Variants in MAGI2 observed in about 807,000 individuals in gnomAD.
The protein encoded by MAGI2 is membrane associated guanylate kinase, WW and PDZ domain containing 2, also known as membrane-associated guanylate kinase, WW and PDZ domain-containing protein 2.
MAGI2 carries 35 observed loss-of-function variants against 133.3 expected under a neutral mutation model. The ratio of observed to expected loss-of-function variants is 0.26; its 90% CI spans 0.20 to 0.35. The LOEUF (loss-of-function observed/expected upper bound fraction) is 0.35, where lower values mean the gene tolerates loss of function less well. Among genes scored for constraint, MAGI2 ranks in the 10% least tolerant of loss-of-function variants. The pLI is 1.00. For missense variants in MAGI2, 1,636 were observed against 1,863.4 expected, an observed-to-expected ratio of 0.88 and a Z score of 2.25; for synonymous variants, 729 against 710.6, an observed-to-expected ratio of 1.03 and a Z score of -0.41.
intron 2 of MAGI2, among the ~76,000 whole-genome samples, chr7:78,941,871 TCACCTTTCAA>T (rs1387109321): frequency 6.6e-6 from 1 of 151,978 alleles, no homozygotes; most frequent in African/African-American, 2.4e-5. Flanking sequence ...GGTCAAATTG[TCACCTTTCAA>T]CACCTATATC....
chr7:78,663,495 G>A (rs1813209096), intron 2 of MAGI2, among the ~76,000 whole-genome samples: 1 of 152,028 alleles, frequency 6.6e-6, no homozygotes, highest in African/African-American at 2.4e-5. Context: ...GTGAGCCACT[G>A]TGCCCCGCCA....
intron 9 of MAGI2, among the ~76,000 whole-genome samples, chr7:78,275,771 A>C (rs764315701): frequency 6.6e-6 from 1 of 152,236 alleles, no homozygotes; most frequent in African/African-American, 2.4e-5. Context: ...TGGATATACC[A>C]GTTAACTGAC....
At chr7:78,978,112 G>T (rs1303514536) in intron 2 of MAGI2, among the ~76,000 whole-genome samples, 1 of 151,798 alleles carries the variant, frequency 6.6e-6, no homozygotes, top group African/African-American at 2.4e-5. Context: ...AGACAGTTTG[G>T]CAGGTTCTTT....
intron 2 of MAGI2, among the ~76,000 whole-genome samples, chr7:78,724,259 A>G (rs574006489): frequency 2.0e-5 from 3 of 152,334 alleles, no homozygotes; most frequent in Non-Finnish European, 2.9e-5. Flanking sequence ...TCTCTAGGCC[A>G]CTAGCATAGG....
At chr7:78,923,065 T>G (rs1382898669) in intron 2 of MAGI2, among the ~76,000 whole-genome samples, 1 of 152,202 alleles carries the variant, frequency 6.6e-6, no homozygotes, top group Non-Finnish European at 1.5e-5. Flanking sequence ...GTAAATTTGT[T>G]TGAGTTCATT....
At chr7:78,294,091 T>C (rs1380350290) in intron 9 of MAGI2, among the ~76,000 whole-genome samples, 1 of 151,992 alleles carries the variant, frequency 6.6e-6, no homozygotes, top group Admixed American at 6.6e-5. Flanking sequence ...AAAATATATA[T>C]AATTCTTTAG....
chr7:79,370,714 T>C (rs1842997909), intron 1 of MAGI2, among the ~76,000 whole-genome samples: 1 of 151,910 alleles, frequency 6.6e-6, no homozygotes, highest in African/African-American at 2.4e-5. Context: ...ATAGAAAAGA[T>C]AGATGGATAA....
intron 6 of MAGI2, among the ~76,000 whole-genome samples, chr7:78,463,935 G>A (rs868554171): frequency 1.3e-5 from 2 of 152,084 alleles, no homozygotes; most frequent in African/African-American, 4.8e-5. Flanking sequence ...CAGGCAGGCA[G>A]GTAGCAAGTA....
chr7:78,730,513 C>A (rs1821269009), intron 2 of MAGI2, among the ~76,000 whole-genome samples: 1 of 151,592 alleles, frequency 6.6e-6, no homozygotes, highest in Non-Finnish European at 1.5e-5. Flanking sequence ...ACATCTGTGA[C>A]TGCTTCTATT....
chr7:79,356,629 G>T (rs1204724131), intron 1 of MAGI2, among the ~76,000 whole-genome samples: 1 of 152,130 alleles, frequency 6.6e-6, no homozygotes, highest in Non-Finnish European at 1.5e-5. Context: ...AAGATTAAGT[G>T]ATACTATCTT....
intron 1 of MAGI2, among the ~76,000 whole-genome samples, chr7:79,360,119 C>G (rs73157824): frequency 0.15 from 22,106 of 152,072 alleles, 1,703 homozygotes; most frequent in South Asian, 0.25. Flanking sequence ...ACAAGGTATT[C>G]TACATTTTCT....
At chr7:78,020,103 AC>A (rs921713988) in intron 21 of MAGI2, 127 bp from the exon 22 acceptor site, 16 of 651,182 alleles carry the variant, frequency 2.5e-5, no homozygotes, top group East Asian at 7.1e-5. Context: ...CGCCGCCCCC[AC>A]CCCCACCCCC....
intron 1 of MAGI2, among the ~76,000 whole-genome samples, chr7:79,023,349 C>T (rs780630851): frequency 3.9e-5 from 6 of 152,204 alleles, no homozygotes; most frequent in Non-Finnish European, 8.8e-5. Context: ...ATAATAAAAG[C>T]TATCTATGAA....
At chr7:79,378,771 T>G (rs1843548419) in intron 1 of MAGI2, among the ~76,000 whole-genome samples, 3 of 150,962 alleles carry the variant, frequency 2.0e-5, no homozygotes, top group South Asian at 4.2e-4. Context: ...TTGAAGAATA[T>G]GGAAAAGAAC....
intron 1 of MAGI2, among the ~76,000 whole-genome samples, chr7:79,067,077 T>C (rs767005415): frequency 1.6e-4 from 24 of 152,262 alleles, no homozygotes; most frequent in Admixed American, 5.9e-4. Flanking sequence ...ATTAGGATTG[T>C]CTTGGATATG....
At chr7:78,955,769 C>CA (rs1554310423) in intron 2 of MAGI2, among the ~76,000 whole-genome samples, 1 of 116,770 alleles carries the variant, frequency 8.6e-6, no homozygotes, top group African/African-American at 3.3e-5. Flanking sequence ...TTCTTTCTTT[C>CA]TTTCTTTCTT....
Position 78,137,898 on chromosome 7 carries a change from C to T in MAGI2, c.2846-2692G>A, listed in dbSNP as rs537727972. Among the ~76,000 whole-genome samples, 25 of 136,830 alleles carry T rather than the reference C, an allele frequency of 1.8e-4. No individual in the cohort carries two copies. In the Admixed American group the frequency reaches 1.9e-3, roughly 10 times the overall value. The allele number at this position is 136,830 out of a possible 152,430, so 89.8% of individuals were successfully genotyped here. ...TTTTTCTTCCTACCTCTTATGAGTA[C>T]CTACCTGAGCCAAGCACTGTGCTAA... On this transcript the variant is annotated intron_variant, in intron 16 of 21. Transcript: ENST00000354212.
intron 2 of MAGI2, among the ~76,000 whole-genome samples, chr7:78,978,396 T>G (rs60067550): frequency 8.7e-4 from 133 of 152,030 alleles, no homozygotes; most frequent in African/African-American, 3.1e-3. Context: ...AACCCATTTT[T>G]CTAAGTGAAA....
intron 1 of MAGI2, among the ~76,000 whole-genome samples, chr7:79,076,179 G>C (rs1003070084): frequency 6.6e-6 from 1 of 152,162 alleles, no homozygotes; most frequent in Admixed American, 6.5e-5. Flanking sequence ...TGACATAAAA[G>C]CCATCTCAAA....
Sources: allele counts gnomAD v4.1 joint callset (sites outside exome capture counted in the v4.1 genomes callset), GRCh38; gene constraint gnomAD v4.1.1; transcripts MANE v1.5; gene names NCBI Gene and HGNC (gene_info 2026-07-23, HGNC 2026-07-21).